CSMD1: variants seen among roughly 807,000 people sequenced by gnomAD.
The protein encoded by CSMD1 is CUB and Sushi multiple domains 1, also known as CUB and sushi domain-containing protein 1.
A neutral mutation model predicts 417.5 loss-of-function variants in CSMD1; 213 were observed. The observed-to-expected ratio is 0.51, with a 90% CI of 0.46 to 0.57. The LOEUF is 0.57. Among genes scored for constraint, CSMD1 ranks in the 20% least tolerant of loss-of-function variants. The pLI, the probability that CSMD1 is intolerant of heterozygous loss-of-function variation, is 0.00. For synonymous variants in CSMD1, 2,862 were observed against 1,736.8 expected (o/e 1.65, Z -16.11); for missense variants, 6,923 against 4,529.7 (o/e 1.53, Z -15.17).
intron 11 of CSMD1, among the ~76,000 whole-genome samples, chr8:3,478,491 A>G (rs1481070238): frequency 1.3e-5 from 2 of 152,138 alleles, no homozygotes; most frequent in South Asian, 2.1e-4. Context: ...ACAAGAAGCT[A>G]CCAGAAGACA....
intron 3 of CSMD1, among the ~76,000 whole-genome samples, chr8:4,036,043 C>G (rs907369698): frequency 6.6e-6 from 1 of 152,080 alleles, no homozygotes; most frequent in Non-Finnish European, 1.5e-5. Flanking sequence ...CATATACTGA[C>G]CATTATGTTA....
At chr8:3,474,776 C>A (rs954078746) in intron 11 of CSMD1, among the ~76,000 whole-genome samples, 1 of 152,162 alleles carries the variant, frequency 6.6e-6, no homozygotes, top group Non-Finnish European at 1.5e-5. Flanking sequence ...TATAGTTACA[C>A]AACTAGTCTT....
At chr8:4,524,650 T>G (rs1226774129) in intron 2 of CSMD1, among the ~76,000 whole-genome samples, 1 of 151,678 alleles carries the variant, frequency 6.6e-6, no homozygotes, top group African/African-American at 2.4e-5. Context: ...TGAGTCATGT[T>G]GATGAAATAA....
chr8:3,383,807 A>G (rs1413820904), intron 18 of CSMD1, among the ~76,000 whole-genome samples: 1 of 152,174 alleles, frequency 6.6e-6, no homozygotes, highest in African/African-American at 2.4e-5. Flanking sequence ...ATATACAAAA[A>G]TGTGCTCAGA....
At chr8:4,878,139 G>A (rs575613164) in intron 1 of CSMD1, among the ~76,000 whole-genome samples, 2 of 152,214 alleles carry the variant, frequency 1.3e-5, no homozygotes, top group East Asian at 3.9e-4. Context: ...CTCAGAAGTG[G>A]AGTCTAAGAA....
At chr8:4,990,799 G>A (rs1300584074) in intron 1 of CSMD1, among the ~76,000 whole-genome samples, 1 of 152,138 alleles carries the variant, frequency 6.6e-6, no homozygotes, top group Non-Finnish European at 1.5e-5. Flanking sequence ...AAAGGTCTTA[G>A]CATACTTCTT....
chr8:3,294,464 G>C (rs1803812693), intron 25 of CSMD1, among the ~76,000 whole-genome samples: 1 of 152,192 alleles, frequency 6.6e-6, no homozygotes, highest in Non-Finnish European at 1.5e-5. Context: ...GCTGTGGTGG[G>C]CTCCACCCAG....
intron 12 of CSMD1, among the ~76,000 whole-genome samples, chr8:3,457,146 G>A (rs886300766): frequency 3.4e-5 from 5 of 148,722 alleles, no homozygotes; most frequent in Non-Finnish European, 6.0e-5. Context: ...ACTCGTCACT[G>A]AACACCTCAT....
At chr8:3,925,706 T>A (rs1358368816) in intron 5 of CSMD1, among the ~76,000 whole-genome samples, 2 of 152,036 alleles carry the variant, frequency 1.3e-5, no homozygotes, top group Admixed American at 1.3e-4. Flanking sequence ...ACGTAAGAAG[T>A]GCCTGTTACC....
intron 20 of CSMD1, among the ~76,000 whole-genome samples, chr8:3,361,455 T>C (rs188648425): frequency 1.1e-3 from 171 of 151,862 alleles, no homozygotes; most frequent in African/African-American, 3.9e-3. Flanking sequence ...GGTGAAACCC[T>C]GTCTTTACTA....
At position 3,561,812 on chromosome 8, in the gene CSMD1, G is replaced by T. The variant is rs77875572; in HGVS notation, c.1344+13133C>A. On this transcript the variant is annotated intron_variant, in intron 10 of 69. Coordinates refer to ENST00000635120, the MANE Select transcript of CSMD1 (RefSeq NM_033225.6). ...AAAAACAGAAAAAGAAAAAAAAGTA[G>T]TATCTATAAAGTTAGTCACTGAGGA... 9.1e-3 allele frequency among the ~76,000 whole-genome samples: 1,378 copies of T among 152,230 alleles called. 14 individuals are homozygous for T. Among genetic ancestry groups the T allele is most frequent in the Middle Eastern group, 0.014 (4 of 294 alleles).
At chr8:3,826,657 C>T (rs970650350) in intron 5 of CSMD1, among the ~76,000 whole-genome samples, 1 of 152,060 alleles carries the variant, frequency 6.6e-6, no homozygotes. Flanking sequence ...ATCTGCAGCT[C>T]GGGCATGGGT....
intron 1 of CSMD1, among the ~76,000 whole-genome samples, chr8:4,661,174 A>C (rs978648465): frequency 6.6e-6 from 1 of 152,218 alleles, no homozygotes; most frequent in African/African-American, 2.4e-5. Context: ...GAAATTTTAT[A>C]GCAGCGTTAT....
chr8:4,595,843 G>A (rs927638125), intron 2 of CSMD1, among the ~76,000 whole-genome samples: 2 of 152,120 alleles, frequency 1.3e-5, no homozygotes, highest in African/African-American at 2.4e-5. Context: ...CCTGGACACT[G>A]ACACGTCTAC....
intron 6 of CSMD1, among the ~76,000 whole-genome samples, chr8:3,742,661 A>G (rs971594912): frequency 6.6e-6 from 1 of 152,008 alleles, no homozygotes; most frequent in Non-Finnish European, 1.5e-5. Context: ...TCTCTCCCAT[A>G]CACCTACACT....
At chr8:4,870,641 A>G (rs1802683539) in intron 1 of CSMD1, among the ~76,000 whole-genome samples, 1 of 152,120 alleles carries the variant, frequency 6.6e-6, no homozygotes. Flanking sequence ...CCAGCGCACC[A>G]CGAGTGAGGG....
At chr8:3,681,377 C>G (rs1799652710) in intron 7 of CSMD1, among the ~76,000 whole-genome samples, 1 of 152,120 alleles carries the variant, frequency 6.6e-6, no homozygotes, top group African/African-American at 2.4e-5. Flanking sequence ...AAATCACAAG[C>G]ATTCTTATAC....
chr8:3,712,797 G>C (rs574423847), intron 6 of CSMD1, among the ~76,000 whole-genome samples: 39 of 152,262 alleles, frequency 2.6e-4, no homozygotes, highest in South Asian at 1.2e-3. Flanking sequence ...TGATTCCTTA[G>C]TAATTCAGAT....
At chr8:4,232,187 T>A (rs1231342716) in intron 3 of CSMD1, among the ~76,000 whole-genome samples, 3 of 152,198 alleles carry the variant, frequency 2.0e-5, no homozygotes, top group African/African-American at 7.2e-5. Context: ...ACACTTGTCC[T>A]TTATTTATTT....
Sources: allele counts gnomAD v4.1 joint callset (sites outside exome capture counted in the v4.1 genomes callset), GRCh38; gene constraint gnomAD v4.1.1; transcripts MANE v1.5; gene names NCBI Gene and HGNC (gene_info 2026-07-23, HGNC 2026-07-21).